Variants in RAB18 observed in about 807,000 individuals in gnomAD.
RAB18 encodes RAB18, member RAS oncogene family, also known as ras-related protein Rab-18.
In RAB18, 10 loss-of-function variants were observed where a neutral mutation model predicts 28.5. The ratio of observed to expected loss-of-function variants is 0.35; its 90% CI spans 0.22 to 0.60. The LOEUF (loss-of-function observed/expected upper bound fraction) is 0.60. RAB18 is among the 20% of genes least tolerant of loss of function. RAB18 has a pLI of 0.78. For missense variants in RAB18, 188 were observed against 244.2 expected (o/e 0.77, Z 1.53); for synonymous variants, 93 against 86.9 (o/e 1.07, Z -0.39).
Position 27,504,783 on chromosome 10 carries a change from G to A in RAB18, c.68+346G>A, listed in dbSNP as rs141112083. 383 of 543,598 alleles carry A rather than the reference G, an allele frequency of 7.0e-4. 3 individuals carry two copies. Among genetic ancestry groups the A allele is most frequent in the African/African-American group, 6.5e-3 (345 of 52,992 alleles). The allele number at this position is 543,598 out of a possible 1,614,324, so 33.7% of individuals were successfully genotyped here. A position where few individuals can be genotyped will look rare whatever the true frequency, so the allele number is the denominator to read the frequency against. On this transcript the variant is annotated intron_variant, in intron 1 of 6. Coordinates refer to ENST00000356940, the MANE Select transcript of RAB18 (RefSeq NM_021252.5). Reference sequence around the variant, plus strand: ...GGTTTGGGCCCGAATCCGGCCGGGGGCGCCTTGCCTCGAACCTCTCGGGGT... The same window carrying A: ...GGTTTGGGCCCGAATCCGGCCGGGGACGCCTTGCCTCGAACCTCTCGGGGT...
At chr10:27,523,951 C>T (rs1036791238) in intron 2 of RAB18, among the ~76,000 whole-genome samples, 9 of 151,656 alleles carry the variant, frequency 5.9e-5, no homozygotes, top group Non-Finnish European at 8.8e-5. Context: ...TGGTGGCAGG[C>T]GCCTGTAGTC....
At chr10:27,510,054 T>C in intron 2 of RAB18, 124 bp downstream of exon 2, 1 of 771,880 alleles carries the variant, frequency 1.3e-6, no homozygotes, top group Non-Finnish European at 2.2e-6. Flanking sequence ...GAAATCTTAT[T>C]TGTCCTTCAA....
chr10:27,518,324 TAAAGTG>T (rs958422141), intron 2 of RAB18, among the ~76,000 whole-genome samples: 2 of 152,238 alleles, frequency 1.3e-5, no homozygotes, highest in East Asian at 3.8e-4. Context: ...CATATTTTTA[TAAAGTG>T]GTTGTATCAT....
rs1176951675 is a variant in RAB18, at chr10:27,542,019, T to C, written c.*3968T>C. 6.6e-6 allele frequency: 3 copies of C among 453,984 alleles called. No individual in the cohort carries two copies. Among genetic ancestry groups the C allele is most frequent in the Non-Finnish European group, 1.3e-5 (3 of 226,786 alleles). The allele number at this position is 453,984 out of a possible 1,614,324, so 28.1% of individuals were successfully genotyped here. ...TTGCCTAGGCTTTTTCAGGAGCAAT[T>C]GAAGACATCTTGTTGGAGATAGTGT... On this transcript the variant is annotated 3_prime_UTR_variant, in exon 7 of 7. Coordinates refer to ENST00000356940, the MANE Select transcript of RAB18 (RefSeq NM_021252.5).
At position 27,513,032 on chromosome 10, in the gene RAB18, A is replaced by ATATATT. The variant is rs1190171231; in HGVS notation, c.124+3103_124+3104insATATTT. ...GGTAATAACATATATATATATATATATTTTTTTTTTTTTTTTGGAGACAAG... is the reference window on the plus strand; with the variant it reads ...GGTAATAACATATATATATATATATATATATTTTTTTTTTTTTTTTTTGGAGACAAG... On this transcript the variant is annotated intron_variant, in intron 2 of 6. Coordinates refer to ENST00000356940, the MANE Select transcript of RAB18 (RefSeq NM_021252.5). Among the ~76,000 whole-genome samples the ATATATT allele has an allele frequency of 1.2e-4, 17 of 142,576 alleles. No individual in the cohort carries two copies. In the South Asian group the frequency reaches 2.5e-3, roughly 21 times the overall value. 93.5% of individuals were successfully genotyped at this position (142,576 alleles called of 152,430 possible). A position where few individuals can be genotyped will look rare whatever the true frequency, so the allele number is the denominator to read the frequency against.
rs1564840868 is a variant in RAB18 at position 27,540,295 on chromosome 10, A to C, written c.*2244A>C. 1 of 454,058 alleles carries C rather than the reference A, an allele frequency of 2.2e-6. No individual in the cohort carries two copies. The allele number at this position is 454,058 out of a possible 1,614,324, so 28.1% of individuals were successfully genotyped here. A position where few individuals can be genotyped will look rare whatever the true frequency, so the allele number is the denominator to read the frequency against. Reference sequence around the variant, plus strand: ...CCCATTTTAAAGGTGAGGACAACACAATGTAGGTATGTTAGGTAACCCCCA... The same window carrying C: ...CCCATTTTAAAGGTGAGGACAACACCATGTAGGTATGTTAGGTAACCCCCA... On this transcript the variant is annotated 3_prime_UTR_variant, in exon 7 of 7. Coordinates refer to ENST00000356940, the MANE Select transcript of RAB18 (RefSeq NM_021252.5).
intron 2 of RAB18, among the ~76,000 whole-genome samples, chr10:27,522,092 TTCAG>T (rs2132389705): frequency 6.6e-6 from 1 of 152,268 alleles, no homozygotes; most frequent in South Asian, 2.1e-4. Flanking sequence ...CGTTTTGGAA[TTCAG>T]TCAGGCAATA....
chr10:27,527,372 G>A (rs571324617), intron 3 of RAB18, among the ~76,000 whole-genome samples: 6 of 151,700 alleles, frequency 4.0e-5, no homozygotes, highest in African/African-American at 9.7e-5. Context: ...GCTTCTTTTC[G>A]TTTTCCTGTC....
At chr10:27,535,185 C>T (rs895666576) in intron 6 of RAB18, among the ~76,000 whole-genome samples, 16 of 152,308 alleles carry the variant, frequency 1.1e-4, no homozygotes, top group African/African-American at 3.6e-4. Flanking sequence ...TCATGGGCTG[C>T]ATGTGGCCCA....
At chr10:27,504,901 A>G (rs72629760) in intron 1 of RAB18, 19,158 of 506,768 alleles carry the variant, frequency 0.038, 1,652 homozygotes, top group East Asian at 0.32. Context: ...TGTCCTCGGG[A>G]AGTTTCGTGA....
chr10:27,536,464 G>C (rs1174835662), intron 6 of RAB18, among the ~76,000 whole-genome samples: 4 of 152,132 alleles, frequency 2.6e-5, no homozygotes, highest in African/African-American at 9.7e-5. Flanking sequence ...AGGATCACTT[G>C]AGCCTGGGAG....
Position 27,504,390 on chromosome 10 carries a change from C to T in RAB18, c.21C>T (p.Thr7=), listed in dbSNP as rs771786183. 2.9e-5 allele frequency: 45 copies of T among 1,576,258 alleles called. No homozygotes were observed. In the African/African-American group the frequency reaches 3.8e-4, roughly 13 times the overall value. Residue 7 remains threonine (T), a synonymous_variant, in exon 1 of 7, where the codon ACC becomes ACT. Coordinates refer to ENST00000356940, the MANE Select transcript of RAB18 (RefSeq NM_021252.5). MDEDVL[T]TLKILIIGES... Reference sequence around the variant, plus strand: ...TCAGGATGGACGAGGACGTGCTAACCACCCTGAAGATCCTCATCATCGGCG... The same window carrying T: ...TCAGGATGGACGAGGACGTGCTAACTACCCTGAAGATCCTCATCATCGGCG...
Position 27,542,147 on chromosome 10 carries a change from T to C in RAB18, c.*4096T>C, listed in dbSNP as rs1245270696. The C allele has an allele frequency of 2.2e-6, 1 of 454,120 alleles. No homozygotes were observed. 28.1% of individuals were successfully genotyped at this position (454,120 alleles called of 1,614,324 possible). A position where few individuals can be genotyped will look rare whatever the true frequency, so the allele number is the denominator to read the frequency against. ...GTGAGAGGGAGTCTATTGGAGCCCT[T>C]GGGAACTTCTGGATCAAATTGGACC... On this transcript the variant is annotated 3_prime_UTR_variant, in exon 7 of 7. Coordinates refer to ENST00000356940, the MANE Select transcript of RAB18 (RefSeq NM_021252.5).
intron 6 of RAB18, among the ~76,000 whole-genome samples, chr10:27,536,274 T>C (rs1834898044): frequency 6.6e-6 from 1 of 152,134 alleles, no homozygotes; most frequent in Non-Finnish European, 1.5e-5. Flanking sequence ...GACATGGTGG[T>C]CATTGGCATT....
intron 4 of RAB18, among the ~76,000 whole-genome samples, chr10:27,533,440 G>A (rs747481732): frequency 1.3e-4 from 20 of 151,658 alleles, no homozygotes; most frequent in Admixed American, 6.6e-4. Context: ...CATTATGAAT[G>A]GGAATAGCTG....
At chr10:27,534,953 A>T (rs186344430) in intron 6 of RAB18, among the ~76,000 whole-genome samples, 1 of 152,236 alleles carries the variant, frequency 6.6e-6, no homozygotes, top group Non-Finnish European at 1.5e-5. Flanking sequence ...TGAACACTCA[A>T]GATGTAACAG....
At chr10:27,514,248 A>G (rs1362340779) in intron 2 of RAB18, 3 of 152,260 alleles carry the variant, frequency 2.0e-5, no homozygotes, top group Admixed American at 6.5e-5. Context: ...AGAAAAACAA[A>G]GGACAGATGA....
intron 1 of RAB18, chr10:27,505,004 T>A (rs1837783025): frequency 1.9e-6 from 1 of 533,472 alleles, no homozygotes; most frequent in Non-Finnish European, 3.8e-6. Flanking sequence ...CTGGATCTTG[T>A]GACTGCTGGA....
chr10:27,510,685 T>TA (rs1449504210), intron 2 of RAB18, among the ~76,000 whole-genome samples: 2 of 152,194 alleles, frequency 1.3e-5, no homozygotes, highest in African/African-American at 4.8e-5. Context: ...TCACTTAACT[T>TA]ACTAACTTCA....
Sources: allele counts gnomAD v4.1 joint callset (sites outside exome capture counted in the v4.1 genomes callset), GRCh38; gene constraint gnomAD v4.1.1; transcripts MANE v1.5; gene names NCBI Gene and HGNC (gene_info 2026-07-23, HGNC 2026-07-21).